SLC25A21: variants seen among roughly 807,000 people sequenced by gnomAD.
The protein encoded by SLC25A21 is solute carrier family 25 member 21.
Under a neutral mutation model 43.8 loss-of-function variants are expected in SLC25A21, and 47 were observed. That is an observed-to-expected ratio of 1.07 (90% CI 0.85 to 1.37). SLC25A21 has a LOEUF of 1.37. SLC25A21 is among the 40% of genes most tolerant of loss of function. The pLI is 0.00. For synonymous variants in SLC25A21, 131 were observed against 121.3 expected, an observed-to-expected ratio of 1.08 and a Z score of -0.52; for missense variants, 352 against 350.2, an observed-to-expected ratio of 1.00 and a Z score of -0.04.
chr14:37,165,376 C>CAA (rs551070807), intron 1 of SLC25A21, among the ~76,000 whole-genome samples: 1 of 133,022 alleles, frequency 7.5e-6, no homozygotes, highest in African/African-American at 2.8e-5. Flanking sequence ...GACTCCGTCT[C>CAA]AAAAAAAAAA....
chr14:37,100,180 T>C (rs1257613761), intron 1 of SLC25A21, among the ~76,000 whole-genome samples: 2 of 152,130 alleles, frequency 1.3e-5, no homozygotes, highest in East Asian at 3.9e-4. Flanking sequence ...AGCCTCAGCC[T>C]CCTGAGTAGC....
At chr14:36,694,697 C>T (rs1327503910) in intron 7 of SLC25A21, among the ~76,000 whole-genome samples, 3 of 152,186 alleles carry the variant, frequency 2.0e-5, no homozygotes, top group Admixed American at 2.0e-4. Flanking sequence ...CTGTTGGCTG[C>T]ATAAATGTCT....
intron 3 of SLC25A21, among the ~76,000 whole-genome samples, chr14:36,761,707 C>T (rs910775010): frequency 2.6e-5 from 4 of 152,018 alleles, no homozygotes; most frequent in African/African-American, 9.7e-5. Context: ...GTAGTGATAC[C>T]AAATGATATA....
chr14:37,047,143 G>A (rs1283206963), intron 1 of SLC25A21, among the ~76,000 whole-genome samples: 1 of 152,156 alleles, frequency 6.6e-6, no homozygotes, highest in Non-Finnish European at 1.5e-5. Context: ...AAAGGGTTTG[G>A]AGAGACATGG....
intron 7 of SLC25A21, 31 bp downstream of exon 7, chr14:36,711,287 C>A (rs1308537920): frequency 1.2e-6 from 2 of 1,602,440 alleles, no homozygotes; most frequent in East Asian, 4.5e-5. Flanking sequence ...TAGGATTTTT[C>A]CTCCAGGATT....
chr14:37,049,063 T>C (rs1961650356), intron 1 of SLC25A21, among the ~76,000 whole-genome samples: 1 of 152,168 alleles, frequency 6.6e-6, no homozygotes, highest in Non-Finnish European at 1.5e-5. Flanking sequence ...GGAGGTAAGG[T>C]AATCTTGATT....
chr14:36,877,402 T>A (rs768535580), intron 1 of SLC25A21, among the ~76,000 whole-genome samples: 1 of 152,208 alleles, frequency 6.6e-6, no homozygotes, highest in Non-Finnish European at 1.5e-5. Flanking sequence ...AGATAATAGA[T>A]CAGATGATTA....
intron 1 of SLC25A21, among the ~76,000 whole-genome samples, chr14:37,144,704 T>G (rs919857117): frequency 6.6e-6 from 1 of 152,220 alleles, no homozygotes; most frequent in African/African-American, 2.4e-5. Flanking sequence ...ATAGTTTATA[T>G]TATAAAAGTA....
chr14:36,760,589 C>T (rs933757126), intron 3 of SLC25A21, among the ~76,000 whole-genome samples: 3 of 152,164 alleles, frequency 2.0e-5, no homozygotes, highest in African/African-American at 7.2e-5. Flanking sequence ...ACTGGCACTC[C>T]CTGAGTTTGT....
intron 1 of SLC25A21, among the ~76,000 whole-genome samples, chr14:36,980,313 T>A (rs1339279888): frequency 6.6e-6 from 1 of 152,206 alleles, no homozygotes; most frequent in Non-Finnish European, 1.5e-5. Context: ...GTTGGGGAAG[T>A]TATCCCAGAT....
At chr14:36,752,555 A>C (rs188732516) in intron 3 of SLC25A21, among the ~76,000 whole-genome samples, 64 of 152,362 alleles carry the variant, frequency 4.2e-4, no homozygotes, top group African/African-American at 1.4e-3. Flanking sequence ...TGGGGATATT[A>C]TACAGCCTTA....
intron 1 of SLC25A21, among the ~76,000 whole-genome samples, chr14:37,134,595 T>C (rs1052447054): frequency 6.8e-6 from 1 of 147,186 alleles, no homozygotes; most frequent in Non-Finnish European, 1.5e-5. Context: ...CAGTGAGCCA[T>C]GCTCACTCCA....
At chr14:36,696,921 C>T (rs1050984567) in intron 7 of SLC25A21, among the ~76,000 whole-genome samples, 4 of 152,052 alleles carry the variant, frequency 2.6e-5, no homozygotes, top group Non-Finnish European at 5.9e-5. Context: ...CAGTTCTGCT[C>T]CGATTGTAGT....
At chr14:36,783,795 C>T (rs1190635354) in intron 3 of SLC25A21, among the ~76,000 whole-genome samples, 1 of 152,066 alleles carries the variant, frequency 6.6e-6, no homozygotes, top group African/African-American at 2.4e-5. Flanking sequence ...AAAATCAGTG[C>T]ACTATGGGGA....
At chr14:37,035,733 C>G (rs1474049986) in intron 1 of SLC25A21, among the ~76,000 whole-genome samples, 1 of 152,202 alleles carries the variant, frequency 6.6e-6, no homozygotes, top group Admixed American at 6.5e-5. Context: ...GCACTAGACA[C>G]TGGAAAACAA....
intron 3 of SLC25A21, among the ~76,000 whole-genome samples, chr14:36,759,337 CT>C (rs1296095887): frequency 6.6e-6 from 1 of 152,154 alleles, no homozygotes; most frequent in Non-Finnish European, 1.5e-5. Context: ...AAATGTGTAT[CT>C]AGTTTCCTTC....
intron 1 of SLC25A21, among the ~76,000 whole-genome samples, chr14:36,996,288 A>G (rs1344570227): frequency 6.6e-6 from 1 of 152,194 alleles, no homozygotes; most frequent in Non-Finnish European, 1.5e-5. Context: ...TGATCATAGT[A>G]TCTAAGTCAT....
chr14:36,798,914 GAGAC>G (rs943499980), intron 3 of SLC25A21, among the ~76,000 whole-genome samples: 44 of 151,894 alleles, frequency 2.9e-4, no homozygotes, highest in South Asian at 4.2e-4. Context: ...GAGAGAGAGA[GAGAC>G]AGAGAGAGAG....
chr14:36,803,436 G>C (rs1394618574), intron 3 of SLC25A21, among the ~76,000 whole-genome samples: 1 of 152,050 alleles, frequency 6.6e-6, no homozygotes, highest in Non-Finnish European at 1.5e-5. Flanking sequence ...ATGTTGACCT[G>C]TTCACTGAAA....
Sources: gnomAD v4.1 joint callset for allele counts (sites outside exome capture counted in the v4.1 genomes callset) on GRCh38, gnomAD v4.1.1 for gene constraint, MANE v1.5 for transcripts, NCBI Gene and HGNC (gene_info 2026-07-23, HGNC 2026-07-21) for gene names.